SLC15A1: variants seen among roughly 807,000 people sequenced by gnomAD.
SLC15A1 encodes the protein Caco-2 oligopeptide transporter.
In SLC15A1, 83 loss-of-function variants were observed where a neutral mutation model predicts 92.9. The ratio of observed to expected loss-of-function variants is 0.89; its 90% CI spans 0.75 to 1.07. The LOEUF (loss-of-function observed/expected upper bound fraction) is 1.07, where lower values mean the gene tolerates loss of function less well. Among genes scored for constraint, SLC15A1 ranks in the 50% least tolerant of loss-of-function variants. SLC15A1 has a pLI of 0.00. For synonymous variants in SLC15A1, 322 were observed against 318.2 expected, an observed-to-expected ratio of 1.01 and a Z score of -0.13; for missense variants, 857 against 880.1, an observed-to-expected ratio of 0.97 and a Z score of 0.33.
At chr13:98,724,968 G>A (rs1054979596) in intron 4 of SLC15A1, among the ~76,000 whole-genome samples, 2 of 152,144 alleles carry the variant, frequency 1.3e-5, no homozygotes, top group Admixed American at 6.5e-5. Context: ...GTGGGGCCTG[G>A]TGGGAGGTGT....
chr13:98,687,258 G>A (rs2087936078), intron 21 of SLC15A1, among the ~76,000 whole-genome samples: 1 of 152,140 alleles, frequency 6.6e-6, no homozygotes. Flanking sequence ...GTTACATTTG[G>A]TTGTTTCAGA....
At position 98,684,686 on chromosome 13, in the gene SLC15A1, C is replaced by T. The variant is rs780170028; in HGVS notation, c.*38G>A. The T allele has an allele frequency of 2.5e-6, 4 of 1,582,548 alleles. No individual in the cohort carries two copies. Among genetic ancestry groups the T allele is most frequent in the Non-Finnish European group, 3.5e-6 (4 of 1,154,988 alleles). On this transcript the variant is annotated 3_prime_UTR_variant, in exon 23 of 23. Transcript: ENST00000376503. The stretch of plus-strand genomic sequence containing the variant: ...TACCTGGGGGCAGAGGTCAGGGCAT[C>T]TGCGGGCCCAGTCCATCCTCCACTT...
rs368333621 is a variant in SLC15A1, at chr13:98,721,517, T to C, written c.534A>G (p.Thr178=). Residue 178 remains threonine (T), a synonymous_variant, in exon 7 of 23, where the codon ACA becomes ACG. Transcript: ENST00000376503. ...LAINAGSLLS[T]IITPMLRVQQ... ...TACCTCTGAGCATGGGTGTGATGAT[T>C]GTGGAAAGCAAACTTCCAGCATTAA... is the stretch of plus-strand genomic sequence containing the variant. 2 of 1,613,360 alleles carry C rather than the reference T, an allele frequency of 1.2e-6. No individual in the cohort carries two copies. The highest frequency in any genetic ancestry group is 1.7e-6 in the Non-Finnish European group (2 of 1,179,594).
chr13:98,733,584 A>C (rs1229099195), intron 1 of SLC15A1, among the ~76,000 whole-genome samples: 1 of 152,212 alleles, frequency 6.6e-6, no homozygotes, highest in Non-Finnish European at 1.5e-5. Context: ...CCAGGAAGCC[A>C]ATGGTCCCTG....
intron 8 of SLC15A1, among the ~76,000 whole-genome samples, chr13:98,716,230 A>G (rs964625656): frequency 1.3e-5 from 2 of 152,140 alleles, no homozygotes; most frequent in Non-Finnish European, 1.5e-5. Context: ...GCTCACGTAC[A>G]CTCACACAGC....
At chr13:98,738,450 C>A (rs535939451) in intron 1 of SLC15A1, among the ~76,000 whole-genome samples, 2 of 152,270 alleles carry the variant, frequency 1.3e-5, no homozygotes, top group Non-Finnish European at 2.9e-5. Flanking sequence ...AGAATGGTTT[C>A]ATGGGCCAGC....
chr13:98,704,366 C>G lies in SLC15A1; in HGVS notation c.1339G>C (p.Val447Leu). Reference sequence around the variant, plus strand: ...TTGAAGTCGTCAGTTACAGCAGTGACTGGTGATCCAGGAGAAGAAATGTTT... The same window carrying G: ...TTGAAGTCGTCAGTTACAGCAGTGAGTGGTGATCCAGGAGAAGAAATGTTT... ...RINISSPGSPVTAVTDDFKQG... is the reference protein window; with the variant it reads ...RINISSPGSPLTAVTDDFKQG... The change falls in exon 17 of 23, where the codon GTC (valine) becomes CTC (leucine). Residue 447 changes from valine to leucine, a missense_variant. Transcript: ENST00000376503. 1 of 1,613,966 alleles carries G rather than the reference C, an allele frequency of 6.2e-7. No individual in the cohort carries two copies. Among genetic ancestry groups the G allele is most frequent in the Non-Finnish European group, 8.5e-7 (1 of 1,179,930 alleles).
At chr13:98,705,202 GAAAA>G (rs33982897) in intron 16 of SLC15A1, among the ~76,000 whole-genome samples, 1 of 127,076 alleles carries the variant, frequency 7.9e-6, no homozygotes, top group African/African-American at 3.0e-5. Context: ...CTGTATTTAA[GAAAA>G]AAAAAAAAAA....
intron 1 of SLC15A1, among the ~76,000 whole-genome samples, chr13:98,739,099 G>T (rs1237902336): frequency 6.6e-6 from 1 of 152,218 alleles, no homozygotes; most frequent in African/African-American, 2.4e-5. Context: ...CCTGGGTGGG[G>T]CCTGTAGCCC....
intron 21 of SLC15A1, among the ~76,000 whole-genome samples, chr13:98,687,341 A>G (rs2087936598): frequency 6.6e-6 from 1 of 152,160 alleles, no homozygotes; most frequent in African/African-American, 2.4e-5. Context: ...TGTCTAGGGT[A>G]TGACTGTGGG....
At chr13:98,736,350 T>C (rs1021170606) in intron 1 of SLC15A1, among the ~76,000 whole-genome samples, 12 of 152,122 alleles carry the variant, frequency 7.9e-5, no homozygotes, top group African/African-American at 2.4e-4. Flanking sequence ...TCAAGATGGA[T>C]TAAAGACTTA....
At chr13:98,699,444 T>C (rs771475074) in intron 18 of SLC15A1, among the ~76,000 whole-genome samples, 1 of 152,230 alleles carries the variant, frequency 6.6e-6, no homozygotes, top group Admixed American at 6.5e-5. Flanking sequence ...CACAATGCAT[T>C]TGAAATGCAT....
At chr13:98,743,827 T>A (rs1227058277) in intron 1 of SLC15A1, among the ~76,000 whole-genome samples, 1 of 152,148 alleles carries the variant, frequency 6.6e-6, no homozygotes, top group South Asian at 2.1e-4. Flanking sequence ...AACAAATATA[T>A]GCTCAGGTTA....
chr13:98,709,748 C>A lies in SLC15A1; in HGVS notation c.972G>T (p.Gln324His), dbSNP rs1420331896. The A allele has an allele frequency of 6.2e-7, 1 of 1,614,204 alleles. No individual in the cohort carries two copies. The highest frequency in any genetic ancestry group is 1.7e-5 in the Admixed American group (1 of 60,024). Reference sequence around the variant, plus strand: ...CAACTTACATGTCTTCTACCTGCATCTGATCGGGCTGAATTTCAAGAGCTC... The same window carrying A: ...CAACTTACATGTCTTCTACCTGCATATGATCGGGCTGAATTTCAAGAGCTC... Reference protein sequence around the residue: ...KIGALEIQPDQMQTVNAILIV... With the variant: ...KIGALEIQPDHMQTVNAILIV... The change falls in exon 13 of 23, where the codon CAG becomes CAT. Residue 324 changes from glutamine (Q) to histidine (H), a missense_variant. Coordinates refer to ENST00000376503, the MANE Select transcript of SLC15A1 (RefSeq NM_005073.4).
Position 98,715,924 on chromosome 13 carries a change from A to G in SLC15A1, c.677T>C (p.Phe226Ser). 1 of 1,614,146 alleles carries G rather than the reference A, an allele frequency of 6.2e-7. No homozygotes were observed. Among genetic ancestry groups the G allele is most frequent in the South Asian group, 1.1e-5 (1 of 91,080 alleles). The change falls in exon 9 of 23, where the codon TTC (phenylalanine) becomes TCC (serine). Residue 226 changes from phenylalanine (F) to serine (S), a missense_variant. Transcript: ENST00000376503. ...FVLGSGMYKK[F>S]KPQGNIMGKV... ...ACCCATGATGTTGCCCTGTGGCTTG[A>G]ACTTCTTGTACATCCCACTGCCAAG...
intron 10 of SLC15A1, 85 bp from the exon 11 acceptor site, chr13:98,712,028 G>A (rs1422543636): frequency 4.1e-6 from 4 of 987,534 alleles, no homozygotes; most frequent in Non-Finnish European, 6.5e-6. Flanking sequence ...TGATTTCAGT[G>A]GAGACACAGA....
Position 98,709,876 on chromosome 13 carries a change from G to A in SLC15A1, c.936C>T (p.Ser312=), listed in dbSNP as rs368276584. The A allele has an allele frequency of 4.9e-5, 79 of 1,614,158 alleles. No individual in the cohort carries two copies. The highest frequency in any genetic ancestry group is 1.3e-4 in the East Asian group (6 of 44,888). Residue 312 remains serine (S), a synonymous_variant, in exon 12 of 23, where the codon TCC becomes TCT. Transcript: ENST00000376503. ...SRWTLQATTM[S]GKIGALEIQP... ...AAGGAGTCAAACTTACGATTTTCCC[G>A]GACATAGTTGTTGCCTGCAGTGTCC...
rs192257415 is a variant in SLC15A1 at position 98,725,953 on chromosome 13, G to A, written c.245+170C>T. On this transcript the variant is annotated intron_variant, in intron 4 of 22. Coordinates refer to ENST00000376503, the MANE Select transcript of SLC15A1 (RefSeq NM_005073.4). Reference sequence around the variant, plus strand: ...TTGCCCAGGCTGGTTTCAAACTCCTGCCTCAGCCTCTCAAAGTGCTGGGAT... The same window carrying A: ...TTGCCCAGGCTGGTTTCAAACTCCTACCTCAGCCTCTCAAAGTGCTGGGAT... Among the ~76,000 whole-genome samples, 273 of 152,224 alleles carry A rather than the reference G, an allele frequency of 1.8e-3. 4 individuals carry two copies. The South Asian group carries it at 0.02, about 11-fold the overall frequency.
chr13:98,723,839 A>C lies in SLC15A1; in HGVS notation c.365+73T>G. On this transcript the variant is annotated intron_variant, in intron 5 of 22. Transcript: ENST00000376503. ...ATGCTCTCAGTGAAGTTCAAGGAAA[A>C]AGACGAAGACTTAAGGCATCAAATG... The C allele has an allele frequency of 1.9e-5, 30 of 1,596,272 alleles. 1 individual carries two copies. The South Asian group carries it at 3.4e-4, about 18-fold the overall frequency.
Sources: allele counts gnomAD v4.1 joint callset (sites outside exome capture counted in the v4.1 genomes callset), GRCh38; gene constraint gnomAD v4.1.1; transcripts MANE v1.5; gene names NCBI Gene and HGNC (gene_info 2026-07-23, HGNC 2026-07-21).